The following NRXN3 variants were observed in gnomAD, a reference collection of about 807,000 sequenced individuals.
NRXN3 encodes neurexin 3, also known as neurexin III.
A neutral mutation model predicts 137.6 loss-of-function variants in NRXN3; 32 were observed. The observed-to-expected ratio is 0.23, with a 90% CI of 0.18 to 0.31. The LOEUF is 0.31. Ranked by LOEUF, NRXN3 falls within the 10% of genes least tolerant of loss-of-function variation. The probability of loss-of-function intolerance (pLI) is 1.00; values close to 1 mark genes in which losing one functional copy is unlikely to be tolerated. For missense variants in NRXN3, 1,574 were observed against 2,062.5 expected (o/e 0.76, Z 4.59); for synonymous variants, 798 against 784.5 (o/e 1.02, Z -0.29).
chr14:79,650,901 G>A (rs2098472696), intron 16 of NRXN3, among the ~76,000 whole-genome samples: 1 of 152,158 alleles, frequency 6.6e-6, no homozygotes, highest in South Asian at 2.1e-4. Context: ...GTGGTGAGGG[G>A]ATGGCCTCCC....
intron 1 of NRXN3, among the ~76,000 whole-genome samples, chr14:78,192,485 A>G (rs1052517042): frequency 1.6e-4 from 24 of 152,198 alleles, no homozygotes; most frequent in African/African-American, 4.8e-4. Context: ...CATTCAATTC[A>G]ACAAATCTTT....
intron 4 of NRXN3, among the ~76,000 whole-genome samples, chr14:78,475,595 T>C (rs2095364748): frequency 6.6e-6 from 1 of 151,946 alleles, no homozygotes; most frequent in South Asian, 2.1e-4. Flanking sequence ...TAAATAAGAG[T>C]TGAATAGAGC....
chr14:79,141,374 A>G lies in NRXN3; in HGVS notation c.3262+153233A>G, dbSNP rs144551891. Reference sequence around the variant, plus strand: ...ATCCTTAATGTCACTAATAAATTAGATTATTCATGGAATGTGCTTAGCCCT... The same window carrying G: ...ATCCTTAATGTCACTAATAAATTAGGTTATTCATGGAATGTGCTTAGCCCT... On this transcript the variant is annotated intron_variant, in intron 15 of 20. Coordinates refer to ENST00000335750, the MANE Select transcript of NRXN3 (RefSeq NM_001330195.2). Among the ~76,000 whole-genome samples the G allele has an allele frequency of 2.4e-4, 36 of 152,304 alleles. No homozygotes were observed. In the East Asian group the frequency reaches 6.9e-3, roughly 29 times the overall value.
At chr14:78,945,650 T>C (rs150113000) in intron 10 of NRXN3, among the ~76,000 whole-genome samples, 259 of 152,258 alleles carry the variant, frequency 1.7e-3, no homozygotes, top group African/African-American at 6.1e-3. Context: ...TTCTCAAGGG[T>C]AAAATGTGGT....
chr14:79,787,535 C>G (rs973009872), intron 19 of NRXN3, among the ~76,000 whole-genome samples: 13 of 152,194 alleles, frequency 8.5e-5, no homozygotes, highest in African/African-American at 2.9e-4. Flanking sequence ...CAACCAACAT[C>G]TCCTCATTCC....
At chr14:79,780,406 C>T (rs2099109958) in intron 19 of NRXN3, among the ~76,000 whole-genome samples, 1 of 151,632 alleles carries the variant, frequency 6.6e-6, no homozygotes, top group Non-Finnish European at 1.5e-5. Flanking sequence ...CGAGACCATC[C>T]TGGCTAACAC....
In NRXN3 at chr14:79,132,089, A is replaced by G. The variant is rs537348749; in HGVS notation, c.3262+143948A>G. 2.0e-5 allele frequency among the ~76,000 whole-genome samples: 3 copies of G among 152,336 alleles called. No homozygotes were observed. The South Asian group carries it at 6.2e-4, about 32-fold the overall frequency. ...CTGCGCGCACTGTCTGGCACTCCCTAGTGAGATGAACCTGGTACCTCAGAT... is the reference window on the plus strand; with the variant it reads ...CTGCGCGCACTGTCTGGCACTCCCTGGTGAGATGAACCTGGTACCTCAGAT... On this transcript the variant is annotated intron_variant, in intron 15 of 20. Coordinates refer to ENST00000335750, the MANE Select transcript of NRXN3 (RefSeq NM_001330195.2).
At chr14:79,605,530 C>T (rs1168529004) in intron 16 of NRXN3, among the ~76,000 whole-genome samples, 2 of 152,012 alleles carry the variant, frequency 1.3e-5, no homozygotes, top group Non-Finnish European at 2.9e-5. Flanking sequence ...CTCTGTCACC[C>T]AGGCTGGAAT....
At chr14:79,113,232 G>C (rs1001543409) in intron 15 of NRXN3, among the ~76,000 whole-genome samples, 9 of 152,074 alleles carry the variant, frequency 5.9e-5, no homozygotes, top group African/African-American at 2.2e-4. Flanking sequence ...CATTGTACTA[G>C]ACCAAGGAAT....
intron 15 of NRXN3, among the ~76,000 whole-genome samples, chr14:79,139,815 A>C (rs1006411340): frequency 4.6e-5 from 7 of 151,916 alleles, no homozygotes; most frequent in Admixed American, 3.3e-4. Flanking sequence ...TCAAGTCATA[A>C]TCTGAATTTA....
chr14:79,511,382 C>T (rs2096931089), intron 16 of NRXN3, among the ~76,000 whole-genome samples: 1 of 152,142 alleles, frequency 6.6e-6, no homozygotes, highest in South Asian at 2.1e-4. Context: ...GGAATTAGCT[C>T]CCAGACATGC....
At chr14:78,426,601 A>G (rs984351203) in intron 4 of NRXN3, among the ~76,000 whole-genome samples, 2 of 152,160 alleles carry the variant, frequency 1.3e-5, no homozygotes, top group South Asian at 2.1e-4. Flanking sequence ...GTGAAAAGGC[A>G]TGGAGAAACT....
At chr14:79,015,053 C>T (rs983674810) in intron 15 of NRXN3, among the ~76,000 whole-genome samples, 2 of 152,092 alleles carry the variant, frequency 1.3e-5, no homozygotes, top group African/African-American at 2.4e-5. Flanking sequence ...GCTCAGAGTG[C>T]GCCTGTCTTC....
intron 2 of NRXN3, among the ~76,000 whole-genome samples, chr14:78,256,767 T>G (rs1018016242): frequency 6.6e-6 from 1 of 152,268 alleles, no homozygotes; most frequent in African/African-American, 2.4e-5. Context: ...AGTTTTTAAA[T>G]AAGTAAATAT....
rs140416179 is a variant in NRXN3, at chr14:79,673,057, A to G, written c.3616+9108A>G. Among the ~76,000 whole-genome samples the G allele has an allele frequency of 1.2e-4, 18 of 152,184 alleles. No homozygotes were observed. The East Asian group carries it at 3.3e-3, about 28-fold the overall frequency. On this transcript the variant is annotated intron_variant, in intron 17 of 20. Transcript: ENST00000335750. The stretch of plus-strand genomic sequence containing the variant: ...GTAAATCACTCAATCGATTGTAATC[A>G]TATTGCAGCTCATCTCAAAGAGATA...
chr14:79,264,550 G>A (rs2078151569), intron 15 of NRXN3, among the ~76,000 whole-genome samples: 1 of 151,856 alleles, frequency 6.6e-6, no homozygotes, highest in African/African-American at 2.4e-5. Flanking sequence ...GTGTGTGTGT[G>A]TGTGTGTGCG....
In NRXN3 at chr14:78,989,756, T is replaced by C. The variant is rs544576898; in HGVS notation, c.3262+1615T>C. Among the ~76,000 whole-genome samples the C allele has an allele frequency of 1.2e-4, 18 of 152,352 alleles. No individual in the cohort carries two copies. The East Asian group carries it at 3.3e-3, about 28-fold the overall frequency. On this transcript the variant is annotated intron_variant, in intron 15 of 20. Transcript: ENST00000335750. ...TTTCTCTAAATGGTGGCATAATGCT[T>C]CTTTATCCTCACAAGTTTATTTCTT... is the stretch of plus-strand genomic sequence containing the variant.
intron 16 of NRXN3, among the ~76,000 whole-genome samples, chr14:79,537,439 C>G (rs938193353): frequency 8.5e-5 from 13 of 152,090 alleles, no homozygotes; most frequent in Non-Finnish European, 1.9e-4. Flanking sequence ...TATCCCTCCC[C>G]CTCCCTGCAC....
chr14:79,450,608 C>G (rs1248190372), intron 15 of NRXN3, among the ~76,000 whole-genome samples: 1 of 152,032 alleles, frequency 6.6e-6, no homozygotes. Flanking sequence ...TCTGTAATCC[C>G]AGCACTTTGG....
Sources: allele counts gnomAD v4.1 joint callset (sites outside exome capture counted in the v4.1 genomes callset), GRCh38; gene constraint gnomAD v4.1.1; transcripts MANE v1.5; gene names NCBI Gene and HGNC (gene_info 2026-07-23, HGNC 2026-07-21).